INPP4B: variants seen among roughly 807,000 people sequenced by gnomAD.
The protein encoded by INPP4B is inositol polyphosphate 4-phosphatase type II.
In INPP4B, 55 loss-of-function variants were observed where a neutral mutation model predicts 122.5. The observed-to-expected ratio is 0.45, with a 90% CI of 0.36 to 0.56. The LOEUF (loss-of-function observed/expected upper bound fraction) is 0.56. Ranked by LOEUF, INPP4B falls within the 20% of genes least tolerant of loss-of-function variation. INPP4B has a pLI of 0.00. For missense variants in INPP4B, 1,000 were observed against 1,097.7 expected, an observed-to-expected ratio of 0.91 and a Z score of 1.26; for synonymous variants, 403 against 388.7, an observed-to-expected ratio of 1.04 and a Z score of -0.43.
intron 2 of INPP4B, among the ~76,000 whole-genome samples, chr4:142,487,652 CAT>C (rs549694746): frequency 6.5e-4 from 99 of 152,178 alleles, no homozygotes; most frequent in Non-Finnish European, 1.1e-3. Context: ...AAATCTTGCA[CAT>C]GTTTATTAAT....
chr4:142,769,976 G>C (rs1772781364), intron 1 of INPP4B, among the ~76,000 whole-genome samples: 1 of 152,080 alleles, frequency 6.6e-6, no homozygotes. Flanking sequence ...CACACGTTGG[G>C]TATTATTACT....
intron 14 of INPP4B, among the ~76,000 whole-genome samples, chr4:142,204,306 A>T (rs1266640138): frequency 6.6e-6 from 1 of 152,082 alleles, no homozygotes; most frequent in Non-Finnish European, 1.5e-5. Context: ...TTATATATGC[A>T]ATACAATTCA....
chr4:142,617,031 T>G (rs888826942), intron 2 of INPP4B, among the ~76,000 whole-genome samples: 2 of 152,042 alleles, frequency 1.3e-5, no homozygotes, highest in East Asian at 3.9e-4. Context: ...AAGCCCGAAC[T>G]TCACAGCTAC....
intron 2 of INPP4B, among the ~76,000 whole-genome samples, chr4:142,676,690 A>G (rs1402322374): frequency 6.6e-6 from 1 of 152,150 alleles, no homozygotes; most frequent in African/African-American, 2.4e-5. Flanking sequence ...AACACCACAC[A>G]TCTACAACCA....
intron 2 of INPP4B, among the ~76,000 whole-genome samples, chr4:142,536,488 T>C (rs537963817): frequency 6.6e-6 from 1 of 152,218 alleles, no homozygotes; most frequent in Non-Finnish European, 1.5e-5. Flanking sequence ...ATTTTCTGTC[T>C]TTCTACAATT....
intron 1 of INPP4B, among the ~76,000 whole-genome samples, chr4:142,786,668 A>G: frequency 6.6e-6 from 1 of 152,138 alleles, no homozygotes. Flanking sequence ...TATGGAATAA[A>G]TCATGTTGAC....
intron 1 of INPP4B, among the ~76,000 whole-genome samples, chr4:142,831,333 G>C (rs1782110992): frequency 6.6e-6 from 1 of 152,194 alleles, no homozygotes; most frequent in Non-Finnish European, 1.5e-5. Context: ...ATATGGCTTT[G>C]CTTTAGTGGC....
At chr4:142,087,696 T>C (rs1259546985) in intron 23 of INPP4B, among the ~76,000 whole-genome samples, 1 of 152,182 alleles carries the variant, frequency 6.6e-6, no homozygotes, top group East Asian at 1.9e-4. Context: ...TGAATTTTAG[T>C]AGTAATGAGG....
intron 23 of INPP4B, among the ~76,000 whole-genome samples, chr4:142,086,589 A>C (rs1776906318): frequency 6.6e-6 from 1 of 152,164 alleles, no homozygotes; most frequent in Non-Finnish European, 1.5e-5. Flanking sequence ...TCCTGAGCTC[A>C]AACAAACTGC....
At chr4:142,543,881 T>C (rs1829226633) in intron 2 of INPP4B, among the ~76,000 whole-genome samples, 1 of 152,096 alleles carries the variant, frequency 6.6e-6, no homozygotes, top group Non-Finnish European at 1.5e-5. Context: ...AAAAGAGATA[T>C]CAAAGTAAGT....
chr4:142,169,092 T>G lies in INPP4B; in HGVS notation c.1359+4540A>C, dbSNP rs542625881. Among the ~76,000 whole-genome samples the G allele has an allele frequency of 5.9e-5, 9 of 151,776 alleles. No individual in the cohort carries two copies. In the South Asian group the frequency reaches 1.9e-3, roughly 31 times the overall value. ...AGCAGAAGTTCTGATTCCATAAATT[T>G]TATATATAGTCTCATTGTCAATGTT... On this transcript the variant is annotated intron_variant, in intron 16 of 25. Coordinates refer to ENST00000262992, the MANE Select transcript of INPP4B (RefSeq NM_001101669.3).
chr4:142,761,508 A>G (rs533095056), intron 1 of INPP4B, among the ~76,000 whole-genome samples: 1 of 152,298 alleles, frequency 6.6e-6, no homozygotes, highest in African/African-American at 2.4e-5. Context: ...TTGCCAAATA[A>G]CTGAGTCATA....
chr4:142,487,442 G>A (rs1257035974), intron 2 of INPP4B, among the ~76,000 whole-genome samples: 5 of 151,956 alleles, frequency 3.3e-5, no homozygotes, highest in South Asian at 4.2e-4. Context: ...TTGATCCTGT[G>A]GATTTCTATA....
At chr4:142,252,697 T>C (rs997493092) in intron 11 of INPP4B, among the ~76,000 whole-genome samples, 10 of 152,212 alleles carry the variant, frequency 6.6e-5, no homozygotes, top group African/African-American at 1.7e-4. Flanking sequence ...TACCCAAGAA[T>C]GTACAAATGT....
In INPP4B at chr4:142,024,931, A is replaced by T. The variant is rs1410190440; in HGVS notation, c.*3851T>A. 6.6e-6 allele frequency: 1 copy of T among 152,194 alleles called. No homozygotes were observed. Among genetic ancestry groups the T allele is most frequent in the Non-Finnish European group, 1.5e-5 (1 of 68,032 alleles). The allele number at this position is 152,194 out of a possible 1,614,324, so 9.4% of individuals were successfully genotyped here. A position where few individuals can be genotyped will look rare whatever the true frequency, so the allele number is the denominator to read the frequency against. ...ATTTAATTATGAATAAAATATAGTC[A>T]TCAAATATGACTTTTAACCTAATAG... On this transcript the variant is annotated 3_prime_UTR_variant, in exon 26 of 26. Coordinates refer to ENST00000262992, the MANE Select transcript of INPP4B (RefSeq NM_001101669.3).
intron 23 of INPP4B, among the ~76,000 whole-genome samples, chr4:142,091,611 A>G (rs1202857166): frequency 6.6e-6 from 1 of 152,190 alleles, no homozygotes; most frequent in African/African-American, 2.4e-5. Flanking sequence ...AGTCACAAAC[A>G]TTCACAAACC....
chr4:142,191,170 A>G (rs923576220), intron 15 of INPP4B, among the ~76,000 whole-genome samples: 4 of 152,218 alleles, frequency 2.6e-5, no homozygotes, highest in African/African-American at 9.6e-5. Flanking sequence ...AAGGTAGACT[A>G]AAGGAGGTAT....
At chr4:142,714,521 T>A (rs566160810) in intron 2 of INPP4B, among the ~76,000 whole-genome samples, 7 of 152,328 alleles carry the variant, frequency 4.6e-5, no homozygotes, top group African/African-American at 1.7e-4. Context: ...TTCACAGGCC[T>A]GTGGTGGCTG....
chr4:142,659,270 G>T (rs1754724511), intron 2 of INPP4B, among the ~76,000 whole-genome samples: 1 of 151,782 alleles, frequency 6.6e-6, no homozygotes, highest in South Asian at 2.1e-4. Flanking sequence ...GCCAGGCGTG[G>T]TGGCAGATGC....
Sources: allele counts gnomAD v4.1 joint callset (sites outside exome capture counted in the v4.1 genomes callset), GRCh38; gene constraint gnomAD v4.1.1; transcripts MANE v1.5; gene names NCBI Gene and HGNC (gene_info 2026-07-23, HGNC 2026-07-21).